The following CCDC183 variants were observed in gnomAD, a reference collection of about 807,000 sequenced individuals.
The protein encoded by CCDC183 is coiled-coil domain-containing protein 183.
A neutral mutation model predicts 65.2 loss-of-function variants in CCDC183; 63 were observed. The ratio of observed to expected loss-of-function variants is 0.97; its 90% CI spans 0.79 to 1.19. CCDC183 has a LOEUF of 1.19. CCDC183 is among the 50% of genes most tolerant of loss of function. CCDC183 has a pLI of 0.00. For missense variants in CCDC183, 769 were observed against 689.3 expected, an observed-to-expected ratio of 1.12 and a Z score of -1.30; for synonymous variants, 323 against 276.5, an observed-to-expected ratio of 1.17 and a Z score of -1.67.
At position 136,805,470 on chromosome 9, in the gene CCDC183, G is replaced by A. The variant is rs1402645204; in HGVS notation, c.948+13G>A. On this transcript the variant is annotated intron_variant, in intron 9 of 13. Coordinates refer to ENST00000338005, the MANE Select transcript of CCDC183 (RefSeq NM_001039374.5). Reference sequence around the variant, plus strand: ...CTCTCACGTCTGGGTAATGCCCCTGGCGCTCCCAGAGAATGGCAGGAGGGT... The same window carrying A: ...CTCTCACGTCTGGGTAATGCCCCTGACGCTCCCAGAGAATGGCAGGAGGGT... 1.2e-6 allele frequency: 2 copies of A among 1,609,916 alleles called. No individual in the cohort carries two copies. Among genetic ancestry groups the A allele is most frequent in the Admixed American group, 1.7e-5 (1 of 59,900 alleles).
rs201431622 is a variant in CCDC183 at position 136,799,101 on chromosome 9, G to C, written c.71-1G>C. The C allele has an allele frequency of 3.7e-6, 6 of 1,613,048 alleles. No homozygotes were observed. In the East Asian group the frequency reaches 1.1e-4, roughly 30 times the overall value. ...ACTGTGTCCCCTCCACCTGCCCACA[G>C]AGCAGTGTCGGGCACTCCAGATCCA... On this transcript the variant is annotated splice_acceptor_variant, in intron 1 of 13. Transcript: ENST00000338005. LOFTEE classifies it high-confidence loss of function.
intron 8 of CCDC183, 33 bp from the exon 9 acceptor site, chr9:136,805,324 C>T: frequency 2.6e-6 from 4 of 1,566,648 alleles, no homozygotes; most frequent in Non-Finnish European, 3.5e-6. Context: ...GCCATCCCTG[C>T]ATGCTGACTG....
chr9:136,799,846 C>T, intron 3 of CCDC183, 56 bp downstream of exon 3: 2 of 1,542,420 alleles, frequency 1.3e-6, no homozygotes, highest in South Asian at 1.1e-5. Flanking sequence ...GCCAGCACCC[C>T]CCCACTAGAT....
chr9:136,800,522 G>C (rs753086729), intron 5 of CCDC183, 29 bp downstream of exon 5: 2 of 1,528,634 alleles, frequency 1.3e-6, no homozygotes. Flanking sequence ...GAAGGGCGGG[G>C]GTCAGGGGCT....
intron 6 of CCDC183, among the ~76,000 whole-genome samples, chr9:136,803,369 A>G (rs1000648900): frequency 5.3e-5 from 8 of 152,174 alleles, no homozygotes; most frequent in Non-Finnish European, 8.8e-5. Flanking sequence ...AATCCCCAGA[A>G]GGATCCAGTG....
chr9:136,806,035 C>T, intron 9 of CCDC183, 43 bp from the exon 10 acceptor site: 2 of 1,517,896 alleles, frequency 1.3e-6, no homozygotes, highest in Non-Finnish European at 1.8e-6. Flanking sequence ...CTCTGCCCAC[C>T]ATCCTGGCCC....
chr9:136,801,754 T>C (rs1211887987), intron 5 of CCDC183, among the ~76,000 whole-genome samples: 2 of 152,334 alleles, frequency 1.3e-5, no homozygotes, highest in Non-Finnish European at 1.5e-5. Flanking sequence ...TCCATATTTT[T>C]AAAAATGAAG....
At chr9:136,807,155 C>T in intron 13 of CCDC183, 89 bp downstream of exon 13, 5 of 1,188,816 alleles carry the variant, frequency 4.2e-6, no homozygotes, top group Admixed American at 3.8e-5. Context: ...ACCGGGACAT[C>T]CTGGAGGGAC....
chr9:136,796,902 C>T (rs1337236561), intron 1 of CCDC183, among the ~76,000 whole-genome samples: 2 of 152,164 alleles, frequency 1.3e-5, no homozygotes, highest in African/African-American at 4.8e-5. Context: ...TGAGATATGG[C>T]CTCGTGGGAA....
rs777681382 is a variant in CCDC183, at chr9:136,807,066, G to A, written c.1486G>A (p.Asp496Asn). Residue 496 changes from aspartate (D) to asparagine (N), a missense_variant and splice_region_variant, in exon 13 of 14, where the codon GAC becomes AAC. Asp to Asn is a conservative substitution (Grantham distance 23, BLOSUM62 1). Coordinates refer to ENST00000338005, the MANE Select transcript of CCDC183 (RefSeq NM_001039374.5). ...TGAGAACCGGGAGGAGGATATGATCGGTACAGGCCCCGGAACTGGGGCCCG... is the reference window on the plus strand; with the variant it reads ...TGAGAACCGGGAGGAGGATATGATCAGTACAGGCCCCGGAACTGGGGCCCG... ...SFENREEDMI[D>N]TFQFPDMDHS... 7 of 1,612,792 alleles carry A rather than the reference G, an allele frequency of 4.3e-6. No individual in the cohort carries two copies. The highest frequency in any genetic ancestry group is 1.7e-5 in the Admixed American group (1 of 60,012).
At chr9:136,799,821 A>AACCAAC in intron 3 of CCDC183, 31 bp downstream of exon 3, 1 of 1,582,780 alleles carries the variant, frequency 6.3e-7, no homozygotes, top group Non-Finnish European at 8.7e-7. Flanking sequence ...TCGAGACCCA[A>AACCAAC]CCCTCCCCAC....
chr9:136,802,607 C>G lies in CCDC183; in HGVS notation c.544-57C>G, dbSNP rs920953626. The G allele has an allele frequency of 3.9e-6, 6 of 1,548,222 alleles. No homozygotes were observed. The South Asian group carries it at 7.4e-5, about 19-fold the overall frequency. On this transcript the variant is annotated intron_variant, in intron 5 of 13. Transcript: ENST00000338005. ...AGGGCTCTTAGTCGGGGGATAAAAG[C>G]TCGGGGCAACTGCAGCCCACTCTGT...
intron 12 of CCDC183, 37 bp downstream of exon 12, chr9:136,806,904 T>C: frequency 6.2e-7 from 1 of 1,613,254 alleles, no homozygotes; most frequent in South Asian, 1.1e-5. Context: ...ACAGCCCACG[T>C]CCCCTCAAAG....
In CCDC183 at chr9:136,800,177, G is replaced by A; in HGVS notation, c.438+8G>A. The A allele has an allele frequency of 6.6e-7, 1 of 1,525,986 alleles. No individual in the cohort carries two copies. Among genetic ancestry groups the A allele is most frequent in the South Asian group, 1.2e-5 (1 of 83,362 alleles). The allele number at this position is 1,525,986 out of a possible 1,614,324, so 94.5% of individuals were successfully genotyped here. ...GAGCTGCGGCTGCTGCAGGTGGAGA[G>A]GCGGGGCTGGGAGGGCGGGGCGGAG... On this transcript the variant is annotated splice_region_variant and intron_variant, in intron 4 of 13. Transcript: ENST00000338005.
intron 8 of CCDC183, 65 bp from the exon 9 acceptor site, chr9:136,805,292 C>A: frequency 7.4e-7 from 1 of 1,349,952 alleles, no homozygotes; most frequent in Non-Finnish European, 1.0e-6. Context: ...AGGTGTCTGA[C>A]AGCCTTACAC....
chr9:136,806,896 A>G, intron 12 of CCDC183, 29 bp downstream of exon 12: 2 of 1,613,418 alleles, frequency 1.2e-6, no homozygotes, highest in Non-Finnish European at 1.7e-6. Flanking sequence ...GAACCTGCAC[A>G]GCCCACGTCC....
At chr9:136,798,893 C>T (rs1414683044) in intron 1 of CCDC183, among the ~76,000 whole-genome samples, 1 of 152,244 alleles carries the variant, frequency 6.6e-6, no homozygotes, top group African/African-American at 2.4e-5. Flanking sequence ...CTCCCCGCAC[C>T]TGTCCACTGA....
At chr9:136,803,144 GGCTGGGGCCC>G (rs1847768766) in intron 6 of CCDC183, among the ~76,000 whole-genome samples, 1 of 68,170 alleles carries the variant, frequency 1.5e-5, no homozygotes, top group African/African-American at 9.2e-5. Flanking sequence ...CAGGGCCCAG[GGCTGGGGCCC>G]CCCAGGGCCA....
At position 136,804,737 on chromosome 9, in the gene CCDC183, C is replaced by A; in HGVS notation, c.793-25C>A. The A allele has an allele frequency of 6.2e-7, 1 of 1,613,472 alleles. No homozygotes were observed. The highest frequency in any genetic ancestry group is 2.2e-5 in the East Asian group (1 of 44,876). ...ACTCCCTGCCAAGGATGTCTCATCC[C>A]TTCCCCGCCCCCACCTCCCATCAGG... On this transcript the variant is annotated intron_variant, in intron 7 of 13. Coordinates refer to ENST00000338005, the MANE Select transcript of CCDC183 (RefSeq NM_001039374.5). This position sits in a 1 kb window ranked among gnomAD's most constrained non-coding sequence, Gnocchi z 4.1.
Sources: gnomAD v4.1 joint callset for allele counts (sites outside exome capture counted in the v4.1 genomes callset) on GRCh38, gnomAD v4.1.1 for gene constraint, Gnocchi (gnomAD v3.1) non-coding constraint, MANE v1.5 for transcripts, NCBI Gene and HGNC (gene_info 2026-07-23, HGNC 2026-07-21) for gene names.